The following PCDH15 variants were observed in gnomAD, a reference collection of about 807,000 sequenced individuals.
PCDH15 encodes protocadherin-15.
PCDH15 carries 129 observed loss-of-function variants against 178.5 expected under a neutral mutation model. That is an observed-to-expected ratio of 0.72 (90% confidence interval 0.63 to 0.84). The LOEUF is 0.84. Ranked by LOEUF, PCDH15 falls within the 40% of genes least tolerant of loss-of-function variation. PCDH15 has a pLI of 0.00. For synonymous variants in PCDH15, 800 were observed against 732.0 expected, an observed-to-expected ratio of 1.09 and a Z score of -1.50; for missense variants, 2,230 against 2,099.9, an observed-to-expected ratio of 1.06 and a Z score of -1.21.
chr10:55,520,188 ATATATATACACGCAATGTG>A (rs1448240120), intron 2 of PCDH15, among the ~76,000 whole-genome samples: 4 of 72,814 alleles, frequency 5.5e-5, no homozygotes, highest in East Asian at 4.2e-4. Context: ...CAATGTGTAT[ATATATATACACGCAATGTG>A]TATATATATA....
chr10:55,136,451 C>T (rs940946366), intron 2 of PCDH15, among the ~76,000 whole-genome samples: 9 of 151,792 alleles, frequency 5.9e-5, no homozygotes, highest in African/African-American at 2.2e-4. Flanking sequence ...AAACAATGTA[C>T]TTCTAAGAAT....
intron 2 of PCDH15, among the ~76,000 whole-genome samples, chr10:55,528,796 C>T (rs1400992797): frequency 6.6e-6 from 1 of 152,014 alleles, no homozygotes; most frequent in Non-Finnish European, 1.5e-5. Flanking sequence ...CTTGAGGAAT[C>T]GCCACACTGA....
Position 55,097,242 on chromosome 10 carries a change from C to T in PCDH15, c.-80+69334G>A, listed in dbSNP as rs145308639. 9.2e-5 allele frequency among the ~76,000 whole-genome samples: 14 copies of T among 152,130 alleles called. No homozygotes were observed. In the East Asian group the frequency reaches 1.7e-3, roughly 19 times the overall value. On this transcript the variant is annotated intron_variant, in intron 2 of 5. Transcript: ENST00000458638. ...GTTTTGTTTTTGCTATATCCTGTCA[C>T]GGTGCAAAACATTACATGCAACTTA...
intron 2 of PCDH15, among the ~76,000 whole-genome samples, chr10:55,432,603 T>C (rs1447023881): frequency 6.6e-6 from 1 of 152,116 alleles, no homozygotes; most frequent in African/African-American, 2.4e-5. Flanking sequence ...AAGAGACATT[T>C]CAGAGTTTTT....
chr10:55,390,293 C>G (rs899733527), intron 2 of PCDH15, among the ~76,000 whole-genome samples: 1 of 152,098 alleles, frequency 6.6e-6, no homozygotes, highest in Non-Finnish European at 1.5e-5. Flanking sequence ...GAATCCTAAT[C>G]TTTTTTGCTT....
intron 26 of PCDH15, among the ~76,000 whole-genome samples, chr10:53,901,061 T>G (rs2082303759): frequency 6.6e-6 from 1 of 152,108 alleles, no homozygotes; most frequent in African/African-American, 2.4e-5. Context: ...ACCTTGCATT[T>G]TCCCTGTATT....
intron 25 of PCDH15, among the ~76,000 whole-genome samples, chr10:53,934,135 A>G (rs1229744701): frequency 6.6e-6 from 1 of 152,154 alleles, no homozygotes; most frequent in Admixed American, 6.5e-5. Flanking sequence ...ATACAAAGAG[A>G]TGAGCGAGAA....
intron 3 of PCDH15, among the ~76,000 whole-genome samples, chr10:54,503,052 T>C (rs1717082690): frequency 6.6e-6 from 1 of 151,652 alleles, no homozygotes; most frequent in South Asian, 2.1e-4. Context: ...AAAATATCCT[T>C]TTCTAAGCTT....
chr10:54,756,389 T>C (rs2133074257), intron 1 of PCDH15, among the ~76,000 whole-genome samples: 1 of 152,324 alleles, frequency 6.6e-6, no homozygotes, highest in East Asian at 1.9e-4. Flanking sequence ...GTCATTTTTT[T>C]CAATATGTAA....
At chr10:55,507,559 A>AT (rs1281939142) in intron 2 of PCDH15, among the ~76,000 whole-genome samples, 2 of 151,574 alleles carry the variant, frequency 1.3e-5, no homozygotes, top group African/African-American at 2.4e-5. Flanking sequence ...TAATTTTTTA[A>AT]TTTTTTTAAA....
intron 2 of PCDH15, among the ~76,000 whole-genome samples, chr10:55,117,856 T>G (rs2132062782): frequency 6.6e-6 from 1 of 152,280 alleles, no homozygotes; most frequent in Middle Eastern, 3.4e-3. Flanking sequence ...TTTGGGAGGA[T>G]GAATATTCAG....
At chr10:55,527,015 G>A (rs763561959) in intron 2 of PCDH15, among the ~76,000 whole-genome samples, 5 of 152,032 alleles carry the variant, frequency 3.3e-5, no homozygotes, top group African/African-American at 9.7e-5. Flanking sequence ...GGCAAGCATT[G>A]CTTAAATTAG....
chr10:53,981,654 A>G (rs1164334640), intron 21 of PCDH15, among the ~76,000 whole-genome samples: 1 of 145,596 alleles, frequency 6.9e-6, no homozygotes, highest in South Asian at 2.3e-4. Flanking sequence ...CTTACACCTT[A>G]TACAAAAATC....
At chr10:54,126,185 C>T (rs1258383077) in intron 15 of PCDH15, among the ~76,000 whole-genome samples, 5 of 151,850 alleles carry the variant, frequency 3.3e-5, no homozygotes, top group Non-Finnish European at 7.4e-5. Flanking sequence ...ATTCTCCTGC[C>T]TTTGCCTCCC....
intron 2 of PCDH15, among the ~76,000 whole-genome samples, chr10:54,539,540 A>G (rs551149700): frequency 6.6e-6 from 1 of 152,328 alleles, no homozygotes; most frequent in African/African-American, 2.4e-5. Context: ...GGGGGTCTTC[A>G]ACACCCCACT....
intron 2 of PCDH15, among the ~76,000 whole-genome samples, chr10:55,477,743 G>A (rs1347484490): frequency 6.6e-6 from 1 of 151,878 alleles, no homozygotes; most frequent in African/African-American, 2.4e-5. Context: ...CTCTAGTCAG[G>A]TGCCTAGCAC....
intron 26 of PCDH15, among the ~76,000 whole-genome samples, chr10:53,889,820 A>G (rs2081427363): frequency 6.6e-6 from 1 of 152,220 alleles, no homozygotes; most frequent in South Asian, 2.1e-4. Flanking sequence ...AATTATTACT[A>G]CATGCAATAA....
At chr10:55,135,578 T>C (rs900643138) in intron 2 of PCDH15, among the ~76,000 whole-genome samples, 13 of 128,684 alleles carry the variant, frequency 1.0e-4, no homozygotes, top group Admixed American at 3.1e-4. Flanking sequence ...TTCTTTCTTT[T>C]TTTTTTTTTT....
At chr10:55,099,098 A>T (rs907175440) in intron 2 of PCDH15, among the ~76,000 whole-genome samples, 1 of 151,914 alleles carries the variant, frequency 6.6e-6, no homozygotes, top group Non-Finnish European at 1.5e-5. Context: ...CTTTTTAAAA[A>T]TTTTTACTCT....
Sources: allele counts gnomAD v4.1 joint callset (sites outside exome capture counted in the v4.1 genomes callset), GRCh38; gene constraint gnomAD v4.1.1; transcripts MANE v1.5; gene names NCBI Gene and HGNC (gene_info 2026-07-23, HGNC 2026-07-21).